Variants in MOBP observed in about 807,000 individuals in gnomAD.
MOBP encodes the protein myelin-associated oligodendrocyte basic protein.
MOBP carries 5 observed loss-of-function variants against 15.0 expected under a neutral mutation model. The ratio of observed to expected loss-of-function variants is 0.33; its 90% CI spans 0.17 to 0.70. The LOEUF is 0.70. MOBP is among the 30% of genes least tolerant of loss of function. The pLI, the probability that MOBP is intolerant of heterozygous loss-of-function variation, is 0.67. For synonymous variants in MOBP, 88 were observed against 99.0 expected, an observed-to-expected ratio of 0.89 and a Z score of 0.66; for missense variants, 188 against 257.8, an observed-to-expected ratio of 0.73 and a Z score of 1.85.
At chr3:39,480,893 C>A (rs2042619381) in intron 2 of MOBP, among the ~76,000 whole-genome samples, 1 of 152,238 alleles carries the variant, frequency 6.6e-6, no homozygotes, top group Non-Finnish European at 1.5e-5. Flanking sequence ...AAACGTCTAG[C>A]ATCTCATTCA....
intron 1 of MOBP, among the ~76,000 whole-genome samples, chr3:39,468,087 T>A (rs916007939): frequency 3.6e-5 from 5 of 138,198 alleles, no homozygotes; most frequent in Non-Finnish European, 6.1e-5. Flanking sequence ...CTGCTTTTTT[T>A]TTTTTAATTT....
chr3:39,474,150 G>A (rs578174140), intron 1 of MOBP, among the ~76,000 whole-genome samples: 58 of 152,302 alleles, frequency 3.8e-4, no homozygotes, highest in Non-Finnish European at 7.9e-4. Flanking sequence ...GGATTTGAGA[G>A]TTCCTACTCC....
chr3:39,471,416 A>C (rs1476397712), intron 1 of MOBP, among the ~76,000 whole-genome samples: 1 of 152,208 alleles, frequency 6.6e-6, no homozygotes, highest in Admixed American at 6.5e-5. Flanking sequence ...GACGTGAGCC[A>C]CTGCACCCAG....
intron 2 of MOBP, among the ~76,000 whole-genome samples, chr3:39,482,912 T>G (rs1310223494): frequency 6.6e-6 from 1 of 152,012 alleles, no homozygotes; most frequent in Admixed American, 6.6e-5. Flanking sequence ...CCAAACACTC[T>G]CGGCCTACTC....
At chr3:39,519,628 T>G (rs2125674212), downstream of MOBP, among the ~76,000 whole-genome samples, 1 of 152,188 alleles carries the variant, frequency 6.6e-6, no homozygotes, top group African/African-American at 2.4e-5. Flanking sequence ...AATCATCTAG[T>G]TCATTTCCTT....
At chr3:39,521,871 A>G (rs1006642968) in intron 3 of MOBP, among the ~76,000 whole-genome samples, 3 of 152,188 alleles carry the variant, frequency 2.0e-5, no homozygotes, top group Non-Finnish European at 2.9e-5. Context: ...TTCCACCCAC[A>G]TGGGGCTTGA....
chr3:39,502,786 C>T lies in MOBP; in HGVS notation c.458C>T (p.Pro153Leu). The part of the protein sequence containing the change: ...VRPPPAKQRP[P>L]QKSKQQPRSS... ...CCACCGCCAGCCAAGCAGCGTCCCCCTCAGAAGTCCAAGCAACAGCCGCGC... is the reference window on the plus strand; with the variant it reads ...CCACCGCCAGCCAAGCAGCGTCCCCTTCAGAAGTCCAAGCAACAGCCGCGC... The change falls in exon 4 of 4, where the codon CCT becomes CTT. Residue 153 changes from proline (P) to leucine (L), a missense_variant. By Grantham distance (98) the Pro-to-Leu change is moderately conservative (BLOSUM62 -3). Coordinates refer to ENST00000684792, the MANE Select transcript of MOBP (RefSeq NM_001393704.1). The surrounding 1 kb of genome is among the most constrained non-coding windows in gnomAD (Gnocchi z 6.3). 1 of 1,535,676 alleles carries T rather than the reference C, an allele frequency of 6.5e-7. No homozygotes were observed. The highest frequency in any genetic ancestry group is 8.7e-7 in the Non-Finnish European group (1 of 1,146,652).
downstream of MOBP, among the ~76,000 whole-genome samples, chr3:39,520,608 G>C (rs922751962): frequency 6.6e-6 from 1 of 151,732 alleles, no homozygotes; most frequent in South Asian, 2.1e-4. Flanking sequence ...GAGAGAGAGA[G>C]AAGAGAGAGA....
chr3:39,498,278 C>T (rs902591504), intron 2 of MOBP, among the ~76,000 whole-genome samples: 2 of 152,190 alleles, frequency 1.3e-5, no homozygotes, highest in Admixed American at 6.5e-5. Flanking sequence ...GCAGGTACCC[C>T]AACTAAGTGC....
In MOBP at chr3:39,468,817, T is replaced by C. The variant is rs1284502883; in HGVS notation, c.-89+1077T>C. On this transcript the variant is annotated intron_variant, in intron 1 of 3. Transcript: ENST00000684792. ...GTGTATATATACATATGTGTGTGTA[T>C]ACATATTACATATGTGTGTATATAT... 4.2e-5 allele frequency among the ~76,000 whole-genome samples: 5 copies of C among 120,286 alleles called. 1 individual carries two copies. Among genetic ancestry groups the C allele is most frequent in the Non-Finnish European group, 8.0e-5 (5 of 62,372 alleles). The allele number at this position is 120,286 out of a possible 152,430, so 78.9% of individuals were successfully genotyped here. A position where few individuals can be genotyped will look rare whatever the true frequency, so the allele number is the denominator to read the frequency against.
downstream of MOBP, among the ~76,000 whole-genome samples, chr3:39,517,331 C>T (rs1001766723): frequency 6.6e-6 from 1 of 152,082 alleles, no homozygotes; most frequent in Admixed American, 6.6e-5. Flanking sequence ...CCCCCATGGC[C>T]ACTGAAACCA....
chr3:39,508,551 ATT>A (rs10681564), intron 4 of MOBP, among the ~76,000 whole-genome samples: 5 of 135,226 alleles, frequency 3.7e-5, no homozygotes, highest in Non-Finnish European at 1.6e-5. Flanking sequence ...ATATTGTTGC[ATT>A]TTTTTTTTTT....
intron 2 of MOBP, among the ~76,000 whole-genome samples, chr3:39,494,110 G>A (rs1039848043): frequency 6.6e-6 from 1 of 152,168 alleles, no homozygotes; most frequent in South Asian, 2.1e-4. Context: ...ATCAAGGTTC[G>A]TTACTGAGTT....
chr3:39,487,617 A>G (rs965921093), intron 2 of MOBP, among the ~76,000 whole-genome samples: 2 of 140,704 alleles, frequency 1.4e-5, no homozygotes, highest in African/African-American at 5.3e-5. Flanking sequence ...CCCATATCCC[A>G]GGTTCACGCC....
chr3:39,487,095 C>A (rs2042721587), intron 2 of MOBP, among the ~76,000 whole-genome samples: 1 of 143,326 alleles, frequency 7.0e-6, no homozygotes, highest in African/African-American at 2.8e-5. Context: ...CATGTGACAT[C>A]ATGCCCAGCT....
intron 1 of MOBP, among the ~76,000 whole-genome samples, chr3:39,478,572 C>A (rs1397224840): frequency 6.6e-6 from 1 of 152,152 alleles, no homozygotes; most frequent in East Asian, 1.9e-4. Context: ...ACTCCTACCT[C>A]TGTTTCTTTC....
At chr3:39,469,292 G>T (rs2042432146) in intron 1 of MOBP, among the ~76,000 whole-genome samples, 1 of 145,976 alleles carries the variant, frequency 6.9e-6, no homozygotes, top group Admixed American at 7.0e-5. Flanking sequence ...ACATATGTGT[G>T]TATATGTATA....
At chr3:39,520,411 G>C (rs1377741826), downstream of MOBP, among the ~76,000 whole-genome samples, 1 of 152,092 alleles carries the variant, frequency 6.6e-6, no homozygotes. Flanking sequence ...AGCTTCTCTT[G>C]TGACACTTTT....
intron 4 of MOBP, among the ~76,000 whole-genome samples, chr3:39,509,203 CATT>C: frequency 6.6e-6 from 1 of 152,168 alleles, no homozygotes. Flanking sequence ...AAGCTGTGAA[CATT>C]ATGTGAACAT....
Sources: gnomAD v4.1 joint callset for allele counts (sites outside exome capture counted in the v4.1 genomes callset) on GRCh38, gnomAD v4.1.1 for gene constraint, Gnocchi (gnomAD v3.1) non-coding constraint, MANE v1.5 for transcripts, NCBI Gene and HGNC (gene_info 2026-07-23, HGNC 2026-07-21) for gene names.